CDA: variants seen among roughly 807,000 people sequenced by gnomAD.
CDA encodes the protein cytidine aminohydrolase.
A neutral mutation model predicts 15.0 loss-of-function variants in CDA; 7 were observed. The observed-to-expected ratio is 0.47, with a 90% CI of 0.26 to 0.87. The LOEUF is 0.87. CDA is among the 40% of genes least tolerant of loss of function. CDA has a pLI of 0.15. For synonymous variants in CDA, 58 were observed against 73.0 expected (o/e 0.79, Z 1.05); for missense variants, 159 against 182.7 (o/e 0.87, Z 0.75).
At chr1:20,609,362 T>C (rs574785917) in intron 2 of CDA, among the ~76,000 whole-genome samples, 2 of 152,292 alleles carry the variant, frequency 1.3e-5, no homozygotes, top group Admixed American at 1.3e-4. Context: ...GGCGGGCACC[T>C]GTAGTCCCAG....
chr1:20,610,404 C>G (rs2052738235), intron 2 of CDA, among the ~76,000 whole-genome samples: 1 of 151,580 alleles, frequency 6.6e-6, no homozygotes, highest in Non-Finnish European at 1.5e-5. Context: ...CAGGTTCAAG[C>G]AATTCTCTGC....
chr1:20,609,488 A>G (rs547869861), intron 2 of CDA, among the ~76,000 whole-genome samples: 2 of 152,298 alleles, frequency 1.3e-5, no homozygotes, highest in East Asian at 3.9e-4. Context: ...TCCGTCTCAA[A>G]AAAAAAAAGA....
intron 1 of CDA, among the ~76,000 whole-genome samples, chr1:20,600,631 C>T (rs2052634320): frequency 6.6e-6 from 1 of 151,782 alleles, no homozygotes; most frequent in Admixed American, 6.6e-5. Flanking sequence ...TGATGCACAC[C>T]TGTAATCCCA....
intron 3 of CDA, among the ~76,000 whole-genome samples, chr1:20,615,752 G>A (rs145510455): frequency 6.1e-4 from 93 of 152,258 alleles, no homozygotes; most frequent in African/African-American, 2.2e-3. Context: ...TGTAAGCCCT[G>A]CACTTTGGGA....
At position 20,618,272 on chromosome 1, in the gene CDA, G is replaced by A. The variant is rs570081016; in HGVS notation, c.325-180G>A. On this transcript the variant is annotated intron_variant, in intron 3 of 3. Coordinates refer to ENST00000375071, the MANE Select transcript of CDA (RefSeq NM_001785.3). ...CTGTTCAGTTTCACAGCATTCTTTC[G>A]TTTCCTCCTCCCTGCAGCACTATGA... 2.8e-3 allele frequency among the ~76,000 whole-genome samples: 237 copies of A among 83,308 alleles called. 7 individuals carry two copies. The highest frequency in any genetic ancestry group is 0.011 in the African/African-American group (227 of 19,950). The allele number at this position is 83,308 out of a possible 152,430, so 54.7% of individuals were successfully genotyped here. A position where few individuals can be genotyped will look rare whatever the true frequency, so the allele number is the denominator to read the frequency against.
At chr1:20,616,087 C>A (rs2052798956) in intron 3 of CDA, among the ~76,000 whole-genome samples, 1 of 152,174 alleles carries the variant, frequency 6.6e-6, no homozygotes, top group Non-Finnish European at 1.5e-5. Flanking sequence ...TTCCCAGTGA[C>A]CACTCTGAGG....
intron 2 of CDA, among the ~76,000 whole-genome samples, chr1:20,612,942 C>CAAAAAA (rs35637551): frequency 3.5e-5 from 3 of 84,964 alleles, no homozygotes; most frequent in Non-Finnish European, 6.8e-5. Context: ...GACTCCATCT[C>CAAAAAA]AAAAAAAAAA....
intron 1 of CDA, among the ~76,000 whole-genome samples, chr1:20,603,914 G>A (rs912216238): frequency 2.6e-5 from 4 of 152,096 alleles, no homozygotes; most frequent in African/African-American, 9.7e-5. Context: ...AACCCTGAGA[G>A]AGCCAACAGG....
chr1:20,597,781 TTGCCTGGTCAGAAGACAGC>T (rs1336988912), intron 1 of CDA, among the ~76,000 whole-genome samples: 3 of 152,208 alleles, frequency 2.0e-5, no homozygotes, highest in Non-Finnish European at 2.9e-5. Flanking sequence ...CAGAATTGGT[TTGCCTGGTCAGAAGACAGC>T]CTGCTTTCTG....
At chr1:20,606,618 C>T (rs1013067769) in intron 2 of CDA, among the ~76,000 whole-genome samples, 6 of 152,124 alleles carry the variant, frequency 3.9e-5, no homozygotes, top group Admixed American at 2.0e-4. Context: ...CATTTGGCAA[C>T]ACTCACCTCT....
chr1:20,612,462 C>T (rs1241083284), intron 2 of CDA, among the ~76,000 whole-genome samples: 1 of 152,028 alleles, frequency 6.6e-6, no homozygotes, highest in Non-Finnish European at 1.5e-5. Flanking sequence ...CCCCCCACCA[C>T]CGACAATGAG....
At chr1:20,616,366 G>A (rs745837656) in intron 3 of CDA, among the ~76,000 whole-genome samples, 4 of 152,136 alleles carry the variant, frequency 2.6e-5, no homozygotes, top group Non-Finnish European at 5.9e-5. Context: ...TTTTTGTGCC[G>A]TGGGGTTTCA....
At chr1:20,599,752 C>A (rs778523344) in intron 1 of CDA, among the ~76,000 whole-genome samples, 1 of 152,172 alleles carries the variant, frequency 6.6e-6, no homozygotes, top group Non-Finnish European at 1.5e-5. Flanking sequence ...GGTCACATAG[C>A]CCTACTGCCA....
chr1:20,606,393 C>T (rs2052695488), intron 2 of CDA, among the ~76,000 whole-genome samples: 1 of 151,992 alleles, frequency 6.6e-6, no homozygotes, highest in Admixed American at 6.6e-5. Flanking sequence ...CTTGCCACCA[C>T]CCCCATTTTA....
chr1:20,591,319 C>T (rs1002104448), intron 1 of CDA, among the ~76,000 whole-genome samples: 4 of 151,840 alleles, frequency 2.6e-5, no homozygotes, highest in African/African-American at 9.7e-5. Flanking sequence ...CCAGCCTGGG[C>T]GACAGAGCGA....
chr1:20,602,867 C>G (rs1318507441), intron 1 of CDA, among the ~76,000 whole-genome samples: 1 of 152,226 alleles, frequency 6.6e-6, no homozygotes, highest in African/African-American at 2.4e-5. Flanking sequence ...GGTTCTGAAG[C>G]CTGCCAACTC....
intron 1 of CDA, among the ~76,000 whole-genome samples, chr1:20,591,657 A>G (rs898680453): frequency 1.3e-5 from 2 of 152,114 alleles, no homozygotes; most frequent in African/African-American, 4.8e-5. Flanking sequence ...GCCCATTTGC[A>G]TTGCAGGGAA....
chr1:20,593,786 G>T (rs1477030816), intron 1 of CDA, among the ~76,000 whole-genome samples: 2 of 152,168 alleles, frequency 1.3e-5, no homozygotes, highest in Non-Finnish European at 2.9e-5. Context: ...CGTTGCCCAG[G>T]TTGGTCTCGA....
chr1:20,608,021 T>C (rs2052710318), intron 2 of CDA, among the ~76,000 whole-genome samples: 1 of 152,156 alleles, frequency 6.6e-6, no homozygotes, highest in Non-Finnish European at 1.5e-5. Context: ...AAGTACGGCC[T>C]CAGTGTGTGA....
Sources: allele counts gnomAD v4.1 joint callset (sites outside exome capture counted in the v4.1 genomes callset), GRCh38; gene constraint gnomAD v4.1.1; transcripts MANE v1.5; gene names NCBI Gene and HGNC (gene_info 2026-07-23, HGNC 2026-07-21).